SI: variants seen among roughly 807,000 people sequenced by gnomAD.
The protein encoded by SI is sucrase-isomaltase.
Under a neutral mutation model 253.3 loss-of-function variants are expected in SI, and 235 were observed. The observed-to-expected ratio is 0.93, with a 90% CI of 0.83 to 1.03. SI has a LOEUF of 1.03. Ranked by LOEUF, SI falls within the 50% of genes least tolerant of loss-of-function variation. The probability of loss-of-function intolerance (pLI) is 0.00; values close to 1 mark genes in which losing one functional copy is unlikely to be tolerated. For synonymous variants in SI, 819 were observed against 712.0 expected (o/e 1.15, Z -2.39); for missense variants, 2,442 against 2,211.1 (o/e 1.10, Z -2.09).
chr3:165,063,132 A>T (rs905740175), intron 8 of SI, among the ~76,000 whole-genome samples: 1 of 152,000 alleles, frequency 6.6e-6, no homozygotes, highest in Non-Finnish European at 1.5e-5. Context: ...TGGCATGTTT[A>T]CTTATCTCGA....
chr3:164,987,336 G>A, intron 44 of SI, 110 bp from the exon 45 acceptor site: 1 of 844,852 alleles, frequency 1.2e-6, no homozygotes, highest in South Asian at 1.4e-5. Flanking sequence ...TAAGGAGTGT[G>A]CAAACTGACT....
At chr3:165,073,833 A>G (rs1714760194) in intron 3 of SI, among the ~76,000 whole-genome samples, 1 of 152,118 alleles carries the variant, frequency 6.6e-6, no homozygotes, top group South Asian at 2.1e-4. Flanking sequence ...GATTTAAAGT[A>G]TACAGGAGAA....
intron 16 of SI, among the ~76,000 whole-genome samples, chr3:165,045,044 C>A (rs1421180537): frequency 6.6e-6 from 1 of 152,000 alleles, no homozygotes; most frequent in Admixed American, 6.6e-5. Context: ...ATGCATGGGC[C>A]TGTGTCTTAT....
chr3:165,049,677 T>A (rs866782333), intron 14 of SI, 114 bp downstream of exon 14: 1 of 661,114 alleles, frequency 1.5e-6, no homozygotes, highest in East Asian at 2.8e-5. Flanking sequence ...ATTGATTTTA[T>A]GGTTTTAGAA....
intron 13 of SI, 127 bp downstream of exon 13, chr3:165,055,067 C>T (rs1252594707): frequency 1.6e-6 from 1 of 634,894 alleles, no homozygotes; most frequent in Non-Finnish European, 2.8e-6. Context: ...TGGGAAAAAA[C>T]ATTATAGTAG....
intron 10 of SI, among the ~76,000 whole-genome samples, chr3:165,059,663 G>A (rs1359345278): frequency 6.6e-6 from 1 of 151,874 alleles, no homozygotes; most frequent in Non-Finnish European, 1.5e-5. Flanking sequence ...TTTGTTTACA[G>A]TGGAATATGT....
At position 165,018,067 on chromosome 3, in the gene SI, C is replaced by T. The variant is rs772993662; in HGVS notation, c.3424-1G>A. 2 of 1,546,388 alleles carry T rather than the reference C, an allele frequency of 1.3e-6. No homozygotes were observed. ...GAAATCCATAGGAATTAAGTTTGTACTGAAATACGAAAAATAAGCACAATA... is the reference window on the plus strand; with the variant it reads ...GAAATCCATAGGAATTAAGTTTGTATTGAAATACGAAAAATAAGCACAATA... On this transcript the variant is annotated splice_acceptor_variant, in intron 28 of 47. Transcript: ENST00000264382. LOFTEE classifies it high-confidence loss of function.
intron 45 of SI, among the ~76,000 whole-genome samples, chr3:164,986,607 G>A (rs1293241118): frequency 6.6e-6 from 1 of 151,966 alleles, no homozygotes; most frequent in Admixed American, 6.6e-5. Flanking sequence ...TGTATCTTTG[G>A]GCCTTTATTC....
At chr3:165,081,141 C>T (rs144053232), upstream of SI, among the ~76,000 whole-genome samples, 1 of 151,674 alleles carries the variant, frequency 6.6e-6, no homozygotes, top group Non-Finnish European at 1.5e-5. Flanking sequence ...TAAATGTATT[C>T]AATTATAAGC....
rs368535015 is a variant in SI, at chr3:165,043,012, C to A, written c.2004+47G>T. On this transcript the variant is annotated intron_variant, in intron 17 of 47. Coordinates refer to ENST00000264382, the MANE Select transcript of SI (RefSeq NM_001041.4). ...TTTAATTTAAGTACATTAATAAAAA[C>A]TATGGTTGTTTTTTATTTCGCAACA... is the stretch of plus-strand genomic sequence containing the variant. 5.2e-5 allele frequency: 57 copies of A among 1,098,426 alleles called. No homozygotes were observed. The African/African-American group carries it at 8.8e-4, about 17-fold the overall frequency. 68.0% of individuals were successfully genotyped at this position (1,098,426 alleles called of 1,614,324 possible). A position where few individuals can be genotyped will look rare whatever the true frequency, so the allele number is the denominator to read the frequency against.
chr3:165,045,936 C>T (rs956590117), intron 16 of SI, among the ~76,000 whole-genome samples: 5 of 148,668 alleles, frequency 3.4e-5, no homozygotes, highest in Admixed American at 6.8e-5. Context: ...CAGGTTCAAA[C>T]GATTCTCCTG....
In SI at chr3:165,040,961, A is replaced by G. The variant is rs1022346843; in HGVS notation, c.2138T>C (p.Val713Ala). The G allele has an allele frequency of 8.1e-6, 13 of 1,611,316 alleles. No individual in the cohort carries two copies. The highest frequency in any genetic ancestry group is 1.1e-5 in the Non-Finnish European group (13 of 1,177,906). ...TCACTCATGAAGAACTGGTCTTGCT[A>G]CTGTTTCTCCAAACACATGGGCTTT... is the stretch of plus-strand genomic sequence containing the variant. ...FYKAHVFGET[V>A]ARPVLHEFYE... Residue 713 changes from valine to alanine, a missense_variant, in exon 18 of 48, where the codon GTA becomes GCA. Val to Ala is a moderately conservative substitution (Grantham distance 64, BLOSUM62 0). Coordinates refer to ENST00000264382, the MANE Select transcript of SI (RefSeq NM_001041.4).
intron 3 of SI, 28 bp from the exon 4 acceptor site, chr3:165,069,223 A>G (rs775342752): frequency 7.4e-7 from 1 of 1,350,356 alleles, no homozygotes; most frequent in Non-Finnish European, 1.1e-6. Context: ...AAGGAATTAT[A>G]TAATTACTAC....
At chr3:164,995,231 A>T (rs1312089850) in intron 40 of SI, among the ~76,000 whole-genome samples, 2 of 151,732 alleles carry the variant, frequency 1.3e-5, no homozygotes, top group Admixed American at 1.3e-4. Context: ...GTTTGAATGA[A>T]AATTTCATGT....
At chr3:165,003,860 G>A (rs1384640531) in intron 37 of SI, among the ~76,000 whole-genome samples, 2 of 151,888 alleles carry the variant, frequency 1.3e-5, no homozygotes, top group South Asian at 2.1e-4. Flanking sequence ...CCAGAGAAAA[G>A]GGAAATAAGA....
upstream of SI, among the ~76,000 whole-genome samples, chr3:165,082,347 G>A (rs188860682): frequency 7.8e-4 from 119 of 151,880 alleles, no homozygotes; most frequent in African/African-American, 2.7e-3. Flanking sequence ...TATTGTAATT[G>A]TTTCCTAACT....
chr3:165,032,483 T>G, intron 24 of SI, 39 bp downstream of exon 24: 1 of 1,362,570 alleles, frequency 7.3e-7, no homozygotes, highest in African/African-American at 1.4e-5. Context: ...AAATATGAGA[T>G]TATATGATAG....
At chr3:165,006,795 A>G (rs1195852146) in intron 37 of SI, 21 bp downstream of exon 37, 5 of 1,604,616 alleles carry the variant, frequency 3.1e-6, no homozygotes, top group Admixed American at 1.7e-5. Context: ...GTCAGAGAGG[A>G]TAATTCAGAA....
At chr3:164,986,417 T>C (rs772698753) in intron 45 of SI, among the ~76,000 whole-genome samples, 3 of 152,202 alleles carry the variant, frequency 2.0e-5, no homozygotes, top group Non-Finnish European at 4.4e-5. Context: ...AGAGGGGTCT[T>C]ACCCCATACC....
Sources: allele counts gnomAD v4.1 joint callset (sites outside exome capture counted in the v4.1 genomes callset), GRCh38; gene constraint gnomAD v4.1.1; transcripts MANE v1.5; gene names NCBI Gene and HGNC (gene_info 2026-07-23, HGNC 2026-07-21).